Variants in FBRSL1 observed in about 807,000 individuals in gnomAD.
FBRSL1 encodes the protein fibrosin like 1, also known as fibrosin-1-like protein.
In FBRSL1, 51 loss-of-function variants were observed where a neutral mutation model predicts 89.6. That is an observed-to-expected ratio of 0.57 (90% CI 0.45 to 0.72). FBRSL1 has a LOEUF of 0.72. Ranked by LOEUF, FBRSL1 falls within the 30% of genes least tolerant of loss-of-function variation. The pLI is 0.00. For missense variants in FBRSL1, 1,618 were observed against 1,451.8 expected (o/e 1.11, Z -1.86); for synonymous variants, 779 against 681.1 (o/e 1.14, Z -2.24).
chr12:132,551,319 C>T (rs886735009), intron 5 of FBRSL1: 3 of 441,312 alleles, frequency 6.8e-6, no homozygotes, highest in Non-Finnish European at 1.4e-5. Context: ...GCCCATTGCT[C>T]ACATGGCCTG....
At chr12:132,574,435 G>A in intron 13 of FBRSL1, 58 bp from the exon 14 acceptor site, 1 of 1,548,266 alleles carries the variant, frequency 6.5e-7, no homozygotes, top group Non-Finnish European at 8.7e-7. Flanking sequence ...GCAGGAGTCT[G>A]CAGAAAACAT....
In FBRSL1 at chr12:132,548,943, A is replaced by G. The variant is rs1022455857; in HGVS notation, c.645+911A>G. Among the ~76,000 whole-genome samples, 7 of 152,222 alleles carry G rather than the reference A, an allele frequency of 4.6e-5. No individual in the cohort carries two copies. The East Asian group carries it at 1.4e-3, about 30-fold the overall frequency. ...TTTCCAGGCAGGTTTTTATGAATGGAACAGTTCCATGAGGGGTCTGCACAG... is the reference window on the plus strand; with the variant it reads ...TTTCCAGGCAGGTTTTTATGAATGGGACAGTTCCATGAGGGGTCTGCACAG... On this transcript the variant is annotated intron_variant, in intron 5 of 18. Coordinates refer to ENST00000680143, the MANE Select transcript of FBRSL1 (RefSeq NM_001367871.1).
intron 2 of FBRSL1, among the ~76,000 whole-genome samples, chr12:132,517,607 G>A (rs557428497): frequency 1.3e-5 from 2 of 152,336 alleles, no homozygotes; most frequent in South Asian, 4.1e-4. Context: ...CTGGGAAGGA[G>A]AGAAGGCACC....
At chr12:132,509,097 C>T (rs954367675) in intron 2 of FBRSL1, 58 of 1,191,682 alleles carry the variant, frequency 4.9e-5, no homozygotes, top group Non-Finnish European at 5.7e-5. Context: ...CTCCTGGGCC[C>T]GGGCTGGACG....
intron 11 of FBRSL1, among the ~76,000 whole-genome samples, chr12:132,573,427 A>G (rs2040176679): frequency 6.6e-6 from 1 of 152,166 alleles, no homozygotes; most frequent in African/African-American, 2.4e-5. Context: ...TTGGACCCCC[A>G]GACCCCGTGG....
chr12:132,566,605 G>A (rs2039643517), intron 5 of FBRSL1, among the ~76,000 whole-genome samples: 1 of 152,232 alleles, frequency 6.6e-6, no homozygotes, highest in African/African-American at 2.4e-5. Flanking sequence ...AAGAGATGGA[G>A]GAGTGGGGCT....
intron 6 of FBRSL1, among the ~76,000 whole-genome samples, chr12:132,569,240 CAG>C (rs1412458604): frequency 3.3e-5 from 5 of 150,390 alleles, no homozygotes; most frequent in Non-Finnish European, 5.9e-5. Flanking sequence ...CCCAGGGGCT[CAG>C]AGGGGCCCAC....
chr12:132,527,700 G>A (rs1269513487), intron 3 of FBRSL1, among the ~76,000 whole-genome samples: 1 of 141,606 alleles, frequency 7.1e-6, no homozygotes, highest in Non-Finnish European at 1.6e-5. Flanking sequence ...TGTGGGCTGC[G>A]GGGCTGTGGG....
intron 14 of FBRSL1, 43 bp from the exon 15 acceptor site, chr12:132,576,756 C>A: frequency 6.5e-7 from 1 of 1,534,620 alleles, no homozygotes. Flanking sequence ...GTGTTCAGGG[C>A]CAGTCCCCGG....
At chr12:132,529,236 A>G (rs2036052947) in intron 4 of FBRSL1, among the ~76,000 whole-genome samples, 1 of 152,200 alleles carries the variant, frequency 6.6e-6, no homozygotes, top group African/African-American at 2.4e-5. Context: ...TAAACCAGGA[A>G]TGACCCAGTG....
At chr12:132,509,627 C>G (rs1003326495) in intron 2 of FBRSL1, 6 of 1,231,884 alleles carry the variant, frequency 4.9e-6, no homozygotes, top group Admixed American at 4.2e-5. Context: ...TCCTGGTCCC[C>G]TGCCTCTACT....
intron 17 of FBRSL1, 103 bp from the exon 18 acceptor site, chr12:132,581,959 C>A: frequency 7.7e-7 from 1 of 1,292,784 alleles, no homozygotes; most frequent in South Asian, 1.5e-5. Flanking sequence ...ACCCCCTTCT[C>A]AGTGTCAGCC....
chr12:132,512,564 G>A (rs1034110027), intron 2 of FBRSL1, among the ~76,000 whole-genome samples: 4 of 152,240 alleles, frequency 2.6e-5, no homozygotes, highest in African/African-American at 4.8e-5. Context: ...CTGTTGTCAG[G>A]CGTGGGGAAC....
At chr12:132,543,210 C>T (rs965389387) in intron 4 of FBRSL1, among the ~76,000 whole-genome samples, 5 of 152,238 alleles carry the variant, frequency 3.3e-5, no homozygotes, top group South Asian at 2.1e-4. Context: ...GAGCCTGCCA[C>T]GCACGTTGCC....
intron 1 of FBRSL1, among the ~76,000 whole-genome samples, chr12:132,493,925 C>T (rs2031558839): frequency 6.6e-6 from 1 of 152,180 alleles, no homozygotes; most frequent in South Asian, 2.1e-4. Context: ...GGTGTGCCTG[C>T]AGCCCTGGAG....
chr12:132,534,187 G>T (rs150903378), intron 4 of FBRSL1, among the ~76,000 whole-genome samples: 1 of 152,316 alleles, frequency 6.6e-6, no homozygotes, highest in African/African-American at 2.4e-5. Flanking sequence ...GCAGGGACTT[G>T]GGGTCCTGGG....
At chr12:132,510,228 C>A in intron 2 of FBRSL1, 2 of 1,231,956 alleles carry the variant, frequency 1.6e-6, no homozygotes, top group Non-Finnish European at 2.0e-6. Context: ...CATTCCCGAT[C>A]GCCCTTCACT....
At position 132,570,322 on chromosome 12, in the gene FBRSL1, C is replaced by T; in HGVS notation, c.1008-13C>T. The T allele has an allele frequency of 6.5e-7, 1 of 1,527,876 alleles. No individual in the cohort carries two copies. The highest frequency in any genetic ancestry group is 2.5e-5 in the East Asian group (1 of 40,330). The allele number at this position is 1,527,876 out of a possible 1,614,324, so 94.6% of individuals were successfully genotyped here. ...GGGTCGGGCTGGCAGGCACTGAGCCCCGTGTCCCGCAGCAGGAGCAGCAGC... is the reference window on the plus strand; with the variant it reads ...GGGTCGGGCTGGCAGGCACTGAGCCTCGTGTCCCGCAGCAGGAGCAGCAGC... On this transcript the variant is annotated splice_polypyrimidine_tract_variant and intron_variant, in intron 7 of 18. Transcript: ENST00000680143.
intron 1 of FBRSL1, among the ~76,000 whole-genome samples, chr12:132,507,926 A>C (rs1593272934): frequency 6.6e-6 from 1 of 152,166 alleles, no homozygotes; most frequent in East Asian, 1.9e-4. Context: ...GGCCCCTTCG[A>C]TGGCTGAGCC....
Sources: gnomAD v4.1 joint callset for allele counts (sites outside exome capture counted in the v4.1 genomes callset) on GRCh38, gnomAD v4.1.1 for gene constraint, MANE v1.5 for transcripts, NCBI Gene and HGNC (gene_info 2026-07-23, HGNC 2026-07-21) for gene names.